The following POC1A variants were observed in gnomAD, a reference collection of about 807,000 sequenced individuals.
The protein encoded by POC1A is POC1 centriolar protein A.
POC1A carries 34 observed loss-of-function variants against 47.8 expected under a neutral mutation model. The ratio of observed to expected loss-of-function variants is 0.71; its 90% CI spans 0.54 to 0.95. The LOEUF is 0.95. Among genes scored for constraint, POC1A ranks in the 40% least tolerant of loss-of-function variants. The probability of loss-of-function intolerance (pLI) is 0.00; values close to 1 mark genes in which losing one functional copy is unlikely to be tolerated. For missense variants in POC1A, 466 were observed against 528.3 expected (o/e 0.88, Z 1.16); for synonymous variants, 177 against 207.6 (o/e 0.85, Z 1.27).
intron 9 of POC1A, among the ~76,000 whole-genome samples, chr3:52,113,921 G>T (rs573392501): frequency 6.6e-6 from 1 of 152,332 alleles, no homozygotes; most frequent in East Asian, 1.9e-4. Context: ...CAAAGCAAAG[G>T]CTGCTGTGGC....
chr3:52,077,760 G>T (rs1702162892), intron 10 of POC1A, among the ~76,000 whole-genome samples: 1 of 151,744 alleles, frequency 6.6e-6, no homozygotes, highest in Non-Finnish European at 1.5e-5. Context: ...CAAACTCAAG[G>T]CCGCAGCAGA....
At chr3:52,085,155 G>A (rs1041030437) in intron 10 of POC1A, among the ~76,000 whole-genome samples, 16 of 152,238 alleles carry the variant, frequency 1.1e-4, no homozygotes, top group Admixed American at 8.5e-4. Context: ...TGGGTTAGTC[G>A]GCGTACCATT....
chr3:52,137,922 C>T (rs1288512266), intron 7 of POC1A, among the ~76,000 whole-genome samples: 1 of 152,198 alleles, frequency 6.6e-6, no homozygotes, highest in Admixed American at 6.5e-5. Flanking sequence ...CATTCAGGCC[C>T]CTAAGGGGCG....
At chr3:52,092,275 C>T (rs1270608492) in intron 10 of POC1A, among the ~76,000 whole-genome samples, 1 of 152,144 alleles carries the variant, frequency 6.6e-6, no homozygotes, top group Non-Finnish European at 1.5e-5. Context: ...ATCACAGAGC[C>T]CTGGGCAAGA....
chr3:52,112,700 C>T (rs1703427365), intron 9 of POC1A, among the ~76,000 whole-genome samples: 1 of 152,116 alleles, frequency 6.6e-6, no homozygotes, highest in East Asian at 1.9e-4. Flanking sequence ...AGGTCATACC[C>T]TTTTCCTCTT....
intron 2 of POC1A, 24 bp from the exon 3 acceptor site, chr3:52,150,011 GACCT>G: frequency 6.2e-7 from 1 of 1,601,528 alleles, no homozygotes; most frequent in Non-Finnish European, 8.5e-7. Context: ...GTGATGCTAT[GACCT>G]ACAGCTCTAA....
intron 8 of POC1A, 90 bp from the exon 9 acceptor site, chr3:52,122,567 A>G (rs1267242806): frequency 8.5e-6 from 7 of 826,060 alleles, no homozygotes; most frequent in African/African-American, 5.0e-5. Flanking sequence ...GCCATGCCCA[A>G]AGTTCTGAGC....
At chr3:52,096,739 C>G (rs1266815925) in intron 9 of POC1A, 27 bp from the exon 10 acceptor site, 1 of 1,546,644 alleles carries the variant, frequency 6.5e-7, no homozygotes, top group Non-Finnish European at 8.7e-7. Context: ...AAAAGTTCCT[C>G]AGTCTATCCA....
chr3:52,150,926 T>C, intron 2 of POC1A, 90 bp downstream of exon 2: 1 of 1,157,716 alleles, frequency 8.6e-7, no homozygotes, highest in Non-Finnish European at 1.3e-6. Flanking sequence ...GCAGTCCTTG[T>C]GCTCTGCTTC....
chr3:52,123,016 A>G (rs1400605281), intron 8 of POC1A, among the ~76,000 whole-genome samples: 2 of 152,102 alleles, frequency 1.3e-5, no homozygotes, highest in South Asian at 2.1e-4. Flanking sequence ...AGGCCAGAAC[A>G]CTCCTTACTG....
rs748464411 is a variant in POC1A, at chr3:52,122,385, C to A, written c.975G>T (p.Gly325=). Residue 325 remains glycine (G), a synonymous_variant, in exon 9 of 11, where the codon GGG becomes GGT. Coordinates refer to ENST00000296484, the MANE Select transcript of POC1A (RefSeq NM_015426.5). ...TGCCTGCCAAGCCACTTACCAGATT[C>A]CCCATGGAGCTGGCCAGTGTGGCTG... The part of the protein sequence containing the change: ...RPPATLASSM[G]NLPEVDFPVP... 1 of 1,594,232 alleles carries A rather than the reference C, an allele frequency of 6.3e-7. No individual in the cohort carries two copies. The highest frequency in any genetic ancestry group is 2.2e-5 in the East Asian group (1 of 44,786).
intron 4 of POC1A, among the ~76,000 whole-genome samples, chr3:52,147,968 A>G (rs956160651): frequency 2.0e-5 from 3 of 146,948 alleles, no homozygotes; most frequent in Non-Finnish European, 4.5e-5. Flanking sequence ...AAAAGAAAAG[A>G]AAAAAAAAAA....
intron 8 of POC1A, 67 bp downstream of exon 8, chr3:52,125,046 T>G: frequency 1.6e-6 from 2 of 1,284,296 alleles, no homozygotes; most frequent in Non-Finnish European, 2.3e-6. Flanking sequence ...AACACCCTGT[T>G]TGGTTCTGAG....
At chr3:52,114,748 G>GT (rs995843391) in intron 9 of POC1A, among the ~76,000 whole-genome samples, 2 of 152,162 alleles carry the variant, frequency 1.3e-5, no homozygotes, top group African/African-American at 4.8e-5. Context: ...GGGCCACCTG[G>GT]TAAGTCCTAG....
intron 1 of POC1A, among the ~76,000 whole-genome samples, chr3:52,151,806 A>G (rs1044352868): frequency 2.6e-5 from 4 of 152,072 alleles, no homozygotes; most frequent in African/African-American, 9.7e-5. Context: ...CCGATTCCAC[A>G]TAATTCCTAT....
At chr3:52,150,099 C>A in intron 2 of POC1A, 112 bp from the exon 3 acceptor site, 1 of 809,370 alleles carries the variant, frequency 1.2e-6, no homozygotes, top group Non-Finnish European at 2.0e-6. Flanking sequence ...TCCCTGGCAT[C>A]CACAAACAGA....
intron 7 of POC1A, among the ~76,000 whole-genome samples, chr3:52,126,049 G>T (rs376539946): frequency 6.6e-6 from 1 of 152,160 alleles, no homozygotes; most frequent in Non-Finnish European, 1.5e-5. Context: ...CCTCCCAGTC[G>T]AACTTTTACT....
Position 52,084,894 on chromosome 3 carries a change from A to ACATCCAGG in POC1A, c.1126-8917_1126-8910dup, listed in dbSNP as rs1223612097. Among the ~76,000 whole-genome samples the ACATCCAGG allele has an allele frequency of 9.2e-5, 14 of 152,338 alleles. No individual in the cohort carries two copies. Among genetic ancestry groups the ACATCCAGG allele is most frequent in the Admixed American group, 3.9e-4 (6 of 15,308 alleles). ...AGACTGATGGGTGAAGGCGGAGCCA[A>ACATCCAGG]CATCCAGGCATGTGTCCCACCAAGC... On this transcript the variant is annotated intron_variant, in intron 10 of 10. Coordinates refer to ENST00000296484, the MANE Select transcript of POC1A (RefSeq NM_015426.5). The surrounding 1 kb of genome is among the most constrained non-coding windows in gnomAD (Gnocchi z 4.3).
In POC1A at chr3:52,147,228, CTG is replaced by C. The variant is rs1698398298; in HGVS notation, c.456-135_456-134del. ...GAACCACCCGGGGTCACATGCCCTG[CTG>C]TGATTTTTTTTTTTTTAATTTGAAT... On this transcript the variant is annotated intron_variant, in intron 4 of 10. Coordinates refer to ENST00000296484, the MANE Select transcript of POC1A (RefSeq NM_015426.5). 8 of 630,676 alleles carry C rather than the reference CTG, an allele frequency of 1.3e-5. No homozygotes were observed. In the Admixed American group the frequency reaches 1.9e-4, roughly 15 times the overall value. 39.1% of individuals were successfully genotyped at this position (630,676 alleles called of 1,614,324 possible). A position where few individuals can be genotyped will look rare whatever the true frequency, so the allele number is the denominator to read the frequency against.
Sources: gnomAD v4.1 joint callset for allele counts (sites outside exome capture counted in the v4.1 genomes callset) on GRCh38, gnomAD v4.1.1 for gene constraint, Gnocchi (gnomAD v3.1) non-coding constraint, MANE v1.5 for transcripts, NCBI Gene and HGNC (gene_info 2026-07-23, HGNC 2026-07-21) for gene names.